Variants in COMMD7 observed in about 807,000 individuals in gnomAD.
COMMD7 encodes the protein COMM domain containing 7, also known as COMM domain-containing protein 7.
In COMMD7, 28 loss-of-function variants were observed where a neutral mutation model predicts 34.8. The observed-to-expected ratio is 0.80, with a 90% confidence interval of 0.60 to 1.10. The LOEUF is 1.10. Ranked by LOEUF, COMMD7 falls within the 50% of genes least tolerant of loss-of-function variation. The probability of loss-of-function intolerance (pLI) is 0.00; values close to 1 mark genes in which losing one functional copy is unlikely to be tolerated. For missense variants in COMMD7, 211 were observed against 241.6 expected (o/e 0.87, Z 0.84); for synonymous variants, 80 against 86.4 (o/e 0.93, Z 0.41).
At chr20:32,729,633 A>T (rs1600998011) in intron 1 of COMMD7, among the ~76,000 whole-genome samples, 1 of 144,306 alleles carries the variant, frequency 6.9e-6, no homozygotes, top group African/African-American at 2.5e-5. Flanking sequence ...AAAAAAAAGG[A>T]AGGAGGGAGT....
Position 32,703,358 on chromosome 20 carries a change from C to A in COMMD7, c.*24G>T. 1.9e-6 allele frequency: 3 copies of A among 1,608,162 alleles called. No homozygotes were observed. The highest frequency in any genetic ancestry group is 2.6e-6 in the Non-Finnish European group (3 of 1,175,432). On this transcript the variant is annotated 3_prime_UTR_variant, in exon 9 of 9. Transcript: ENST00000278980. ...GAAGGGAGGAGGGCAGGGAACGGGG[C>A]CAGGGGAGATGCAGGGACAGAAATC...
At chr20:32,735,229 C>T (rs1211078239) in intron 1 of COMMD7, among the ~76,000 whole-genome samples, 1 of 91,388 alleles carries the variant, frequency 1.1e-5, no homozygotes, top group African/African-American at 3.7e-5. Flanking sequence ...CAGCGCGAGA[C>T]TCAAAAAAAA....
At chr20:32,704,544 T>C (rs972841262) in intron 6 of COMMD7, 55 bp from the exon 7 acceptor site, 32 of 1,572,334 alleles carry the variant, frequency 2.0e-5, no homozygotes, top group Middle Eastern at 3.4e-4. Flanking sequence ...AAGTGACTGA[T>C]TGAGGACTGA....
chr20:32,721,397 G>GTC (rs1985146616), intron 3 of COMMD7, among the ~76,000 whole-genome samples: 1 of 152,120 alleles, frequency 6.6e-6, no homozygotes, highest in Admixed American at 6.6e-5. Context: ...ATCACCTGAG[G>GTC]TCAGGAGTTC....
At chr20:32,704,954 C>T in intron 5 of COMMD7, 50 bp from the exon 6 acceptor site, 4 of 1,282,322 alleles carry the variant, frequency 3.1e-6, no homozygotes, top group East Asian at 2.3e-5. Context: ...AAATCTCCCC[C>T]TCTCCATCCT....
Position 32,706,744 on chromosome 20 carries a change from A to G in COMMD7, c.258T>C (p.Ser86=), listed in dbSNP as rs1984107306. The G allele has an allele frequency of 1.9e-6, 3 of 1,613,742 alleles. No individual in the cohort carries two copies. The highest frequency in any genetic ancestry group is 2.5e-6 in the Non-Finnish European group (3 of 1,179,940). ...LLVPNGALKK[S]LTAKQVQADF... ...CCGCCTGGACCTGCTTGGCTGTGAG[A>G]CTCTTCTTCAAAGCACCTGGGAGGC... is the stretch of plus-strand genomic sequence containing the variant. The change falls in exon 4 of 9, where the codon AGT becomes AGC. Residue 86 remains serine (S), a synonymous_variant. Transcript: ENST00000278980.
Position 32,704,879 on chromosome 20 carries a change from G to A in COMMD7, c.362C>T (p.Ala121Val), listed in dbSNP as rs769518564. 9.9e-6 allele frequency: 16 copies of A among 1,613,906 alleles called. No individual in the cohort carries two copies. The East Asian group carries it at 3.3e-4, about 34-fold the overall frequency. ...CAGAGTCTGACCTATGGCCCATCGA[G>A]CAAGGGTGGGAGCATTCTGCTTCCA... ...EKWKQNAPTL[A>V]RWAIGQTLMI... Residue 121 changes from alanine (A) to valine (V), a missense_variant, in exon 6 of 9, where the codon GCT (alanine) becomes GTT (valine). Coordinates refer to ENST00000278980, the MANE Select transcript of COMMD7 (RefSeq NM_053041.3).
Position 32,727,773 on chromosome 20 carries a change from C to T in COMMD7, c.241+120G>A, listed in dbSNP as rs117746404. On this transcript the variant is annotated intron_variant, in intron 3 of 8. Coordinates refer to ENST00000278980, the MANE Select transcript of COMMD7 (RefSeq NM_053041.3). ...CCCTCCAGAGACAGAGTCCCACCCA[C>T]GTCTGGCTCATTACCAAACGCTCTG... 4,480 of 776,040 alleles carry T rather than the reference C, an allele frequency of 5.8e-3. 24 individuals carry two copies. Among genetic ancestry groups the T allele is most frequent in the East Asian group, 0.018 (731 of 40,254 alleles). 48.1% of individuals were successfully genotyped at this position (776,040 alleles called of 1,614,324 possible).
intron 3 of COMMD7, among the ~76,000 whole-genome samples, chr20:32,708,800 T>A (rs928171810): frequency 6.6e-5 from 10 of 151,926 alleles, no homozygotes; most frequent in Admixed American, 5.9e-4. Context: ...GCCTCCCACA[T>A]AGCTGGGACT....
intron 5 of COMMD7, among the ~76,000 whole-genome samples, chr20:32,705,728 A>G (rs1253755985): frequency 6.6e-6 from 1 of 152,304 alleles, no homozygotes; most frequent in African/African-American, 2.4e-5. Flanking sequence ...AAATGGGCAG[A>G]TTTTTGACTG....
chr20:32,718,096 A>G (rs1298513126), intron 3 of COMMD7, among the ~76,000 whole-genome samples: 1 of 151,824 alleles, frequency 6.6e-6, no homozygotes, highest in Admixed American at 6.6e-5. Flanking sequence ...CTCAAAAAAA[A>G]AAAAAAATCA....
chr20:32,727,974 G>C lies in COMMD7; in HGVS notation c.160C>G (p.Leu54Val), dbSNP rs1258927088. ...PKEVERFLAQ[L>V]SEFATTNQIS... ...TGATTGGTGGTGGCAAATTCAGAGA[G>C]CTGAGCCAGAAATCTTTCCACCTGC... The change falls in exon 3 of 9, where the codon CTC (leucine) becomes GTC (valine). Residue 54 changes from leucine to valine, a missense_variant. By Grantham distance (32) the Leu-to-Val change is conservative (BLOSUM62 1). Coordinates refer to ENST00000278980, the MANE Select transcript of COMMD7 (RefSeq NM_053041.3). 2.5e-6 allele frequency: 4 copies of C among 1,614,128 alleles called. No homozygotes were observed. Among genetic ancestry groups the C allele is most frequent in the Non-Finnish European group, 8.5e-7 (1 of 1,180,000 alleles).
At chr20:32,726,334 T>C (rs1600993438) in intron 3 of COMMD7, among the ~76,000 whole-genome samples, 1 of 151,720 alleles carries the variant, frequency 6.6e-6, no homozygotes. Flanking sequence ...GAGGCAGAGG[T>C]TGCAGTGAGC....
chr20:32,720,674 T>C (rs1985097661), intron 3 of COMMD7, among the ~76,000 whole-genome samples: 1 of 152,004 alleles, frequency 6.6e-6, no homozygotes, highest in Non-Finnish European at 1.5e-5. Flanking sequence ...CCAGGTGTGT[T>C]GGTGCACCGT....
intron 3 of COMMD7, among the ~76,000 whole-genome samples, chr20:32,713,040 TTTTAA>T (rs1482483778): frequency 1.3e-5 from 2 of 150,944 alleles, no homozygotes; most frequent in Non-Finnish European, 2.9e-5. Context: ...CCTCTTTCTT[TTTTAA>T]TTTCTTTTTT....
At chr20:32,743,237 T>TGG in intron 1 of COMMD7, 71 bp downstream of exon 1, 37 of 526,848 alleles carry the variant, frequency 7.0e-5, no homozygotes, top group East Asian at 1.6e-4. Context: ...CCCCCGGACG[T>TGG]CCCCCCCACC....
rs1006203263 is a variant in COMMD7 at position 32,704,030 on chromosome 20, C to A, written c.519G>T (p.Val173=). The A allele has an allele frequency of 1.1e-5, 18 of 1,612,586 alleles. No homozygotes were observed. Among genetic ancestry groups the A allele is most frequent in the Non-Finnish European group, 1.3e-5 (15 of 1,179,558 alleles). Residue 173 remains valine, a synonymous_variant, in exon 8 of 9, where the codon GTG becomes GTT. Coordinates refer to ENST00000278980, the MANE Select transcript of COMMD7 (RefSeq NM_053041.3). ...VVKKGNQTEN[V]YIELTLPQFY... ...GTGGGAATTCAGACTCACCTATATA[C>A]ACATTTTCGGTTTGATTTCCTTTCT...
At chr20:32,738,678 T>G (rs1379625932) in intron 1 of COMMD7, among the ~76,000 whole-genome samples, 1 of 151,826 alleles carries the variant, frequency 6.6e-6, no homozygotes, top group Non-Finnish European at 1.5e-5. Flanking sequence ...TACCTCTACC[T>G]CCCAAAGTGC....
chr20:32,722,699 G>C (rs1985244455), intron 3 of COMMD7, among the ~76,000 whole-genome samples: 1 of 150,822 alleles, frequency 6.6e-6, no homozygotes, highest in Admixed American at 6.7e-5. Flanking sequence ...ACTCCAGCCT[G>C]GGTGACAGAG....
Sources: gnomAD v4.1 joint callset for allele counts (sites outside exome capture counted in the v4.1 genomes callset) on GRCh38, gnomAD v4.1.1 for gene constraint, MANE v1.5 for transcripts, NCBI Gene and HGNC (gene_info 2026-07-23, HGNC 2026-07-21) for gene names.